Variants in WDR27 observed in about 807,000 individuals in gnomAD.
WDR27 encodes WD repeat domain 27, also known as WD repeat-containing protein 27.
WDR27 carries 100 observed loss-of-function variants against 114.4 expected under a neutral mutation model. The observed-to-expected ratio is 0.87, with a 90% confidence interval of 0.74 to 1.03. WDR27 has a LOEUF of 1.03. Among genes scored for constraint, WDR27 ranks in the 50% least tolerant of loss-of-function variants. The pLI is 0.00. For synonymous variants in WDR27, 449 were observed against 423.1 expected (o/e 1.06, Z -0.75); for missense variants, 1,129 against 1,092.9 (o/e 1.03, Z -0.47).
the WDR27 span, among the ~76,000 whole-genome samples, chr6:169,431,027 G>T: frequency 1.3e-5 from 2 of 152,132 alleles, no homozygotes; most frequent in Non-Finnish European, 2.9e-5. Context: ...TGAATGACTT[G>T]CTGTCACCTA....
In WDR27 at chr6:169,634,443, TG is replaced by T. The variant is rs1562761529; in HGVS notation, c.2085del (p.Asn696ThrfsTer30). 6.2e-7 allele frequency: 1 copy of T among 1,612,558 alleles called. No homozygotes were observed. ...GAAAGGATACGGGAATAAAAGTCGTTGACTGCCGATAAACTGGTCATGTCTA... is the reference window on the plus strand; with the variant it reads ...GAAAGGATACGGGAATAAAAGTCGTTACTGCCGATAAACTGGTCATGTCTA... ...GAVDMTSLSA[V>X]NDFYSHIVLA... On this transcript the variant is annotated frameshift_variant, in exon 20 of 26. Transcript: ENST00000448612. LOFTEE classifies it high-confidence loss of function.
intron 25 of WDR27, among the ~76,000 whole-genome samples, chr6:169,467,402 C>A (rs550788830): frequency 1.3e-5 from 2 of 152,260 alleles, no homozygotes; most frequent in Admixed American, 1.3e-4. Flanking sequence ...TTCATGAGGG[C>A]CCCACTCCTG....
chr6:169,694,418 C>G (rs1220261473), intron 1 of WDR27, among the ~76,000 whole-genome samples: 1 of 152,166 alleles, frequency 6.6e-6, no homozygotes, highest in Non-Finnish European at 1.5e-5. Context: ...ATCTGGCAAT[C>G]AAAAATTCTA....
intron 6 of WDR27, among the ~76,000 whole-genome samples, chr6:169,666,074 A>G (rs542692577): frequency 6.6e-6 from 1 of 152,358 alleles, no homozygotes; most frequent in South Asian, 2.1e-4. Context: ...AACTTACTCT[A>G]AACTGTCAGT....
At chr6:169,666,106 T>C (rs575798957) in intron 6 of WDR27, among the ~76,000 whole-genome samples, 53 of 152,326 alleles carry the variant, frequency 3.5e-4, no homozygotes, top group African/African-American at 1.2e-3. Flanking sequence ...ATTAGATAAA[T>C]GAATATTGAA....
At chr6:169,441,661 C>T in the WDR27 span, among the ~76,000 whole-genome samples, 1 of 152,236 alleles carries the variant, frequency 6.6e-6, no homozygotes, top group Non-Finnish European at 1.5e-5. Context: ...GTTACCCACT[C>T]TTGTCACTCA....
At chr6:169,620,510 G>A (rs912312655) in intron 21 of WDR27, among the ~76,000 whole-genome samples, 1 of 152,170 alleles carries the variant, frequency 6.6e-6, no homozygotes, top group African/African-American at 2.4e-5. Context: ...TGTGTATTCA[G>A]TGGAAAGCTG....
intron 25 of WDR27, among the ~76,000 whole-genome samples, chr6:169,568,832 G>T (rs1323473564): frequency 6.6e-6 from 1 of 152,138 alleles, no homozygotes. Flanking sequence ...GAAGAAAACA[G>T]AACTGAGAGG....
At chr6:169,594,408 A>T (rs1454768351) in intron 23 of WDR27, among the ~76,000 whole-genome samples, 1 of 152,214 alleles carries the variant, frequency 6.6e-6, no homozygotes, top group Non-Finnish European at 1.5e-5. Context: ...GCAGACAAAC[A>T]TTACTATGAA....
At chr6:169,571,456 C>T (rs1474772964) in intron 25 of WDR27, among the ~76,000 whole-genome samples, 1 of 152,140 alleles carries the variant, frequency 6.6e-6, no homozygotes, top group African/African-American at 2.4e-5. Flanking sequence ...GGACTCAAAC[C>T]AGCAATTAGC....
intron 23 of WDR27, among the ~76,000 whole-genome samples, chr6:169,583,522 C>CAT (rs1222836509): frequency 2.3e-5 from 3 of 130,514 alleles, no homozygotes; most frequent in Admixed American, 7.5e-5. Context: ...TACACACACA[C>CAT]ACACACACAC....
At chr6:169,463,301 C>T (rs1785144806) in intron 25 of WDR27, among the ~76,000 whole-genome samples, 1 of 152,210 alleles carries the variant, frequency 6.6e-6, no homozygotes, top group Non-Finnish European at 1.5e-5. Context: ...GGATGAAGCT[C>T]TCATAAGCTA....
intron 1 of WDR27, among the ~76,000 whole-genome samples, chr6:169,694,841 C>T (rs1259951975): frequency 6.6e-5 from 10 of 152,220 alleles, no homozygotes; most frequent in East Asian, 3.9e-4. Flanking sequence ...CAGGGCGCTG[C>T]GGAAGAAAGC....
Position 169,670,615 on chromosome 6 carries a change from A to G in WDR27, c.410T>C (p.Val137Ala). The G allele has an allele frequency of 6.2e-7, 1 of 1,614,002 alleles. No homozygotes were observed. Among genetic ancestry groups the G allele is most frequent in the Non-Finnish European group, 8.5e-7 (1 of 1,179,892 alleles). Reference sequence around the variant, plus strand: ...TTTGTTTCCAGCACACACGGCAACAACATGATCATCCAGGCTCAACTGTAA... The same window carrying G: ...TTTGTTTCCAGCACACACGGCAACAGCATGATCATCCAGGCTCAACTGTAA... ...LCLQLSLDDH[V>A]VAVCAGNKIF... The change falls in exon 4 of 26, where the codon GTT (valine) becomes GCT (alanine). Residue 137 changes from valine to alanine, a missense_variant. Transcript: ENST00000448612.
chr6:169,456,315 C>A (rs533661248), downstream of WDR27, among the ~76,000 whole-genome samples: 2 of 152,270 alleles, frequency 1.3e-5, no homozygotes, highest in African/African-American at 4.8e-5. This position sits in a 1 kb window ranked among gnomAD's most constrained non-coding sequence, Gnocchi z 4.0. Context: ...TGTGACATTT[C>A]TTAGAAGGTG....
chr6:169,636,381 C>T lies in WDR27; in HGVS notation c.1993G>A (p.Glu665Lys), dbSNP rs1817663551. 1 of 1,613,644 alleles carries T rather than the reference C, an allele frequency of 6.2e-7. No homozygotes were observed. Among genetic ancestry groups the T allele is most frequent in the Admixed American group, 1.7e-5 (1 of 59,968 alleles). The change falls in exon 19 of 26, where the codon GAG (glutamate) becomes AAG (lysine). Residue 665 changes from glutamate to lysine, a missense_variant. Transcript: ENST00000448612. ...GCGGGGGGTGCCTACCTCTTAATCT[C>T]ATCTTTGCAAGTGTCAATGTGATAC... ...LRYHIDTCKD[E>K]IKRYKQKSKS... is the part of the protein sequence containing the mutation.
At chr6:169,625,421 C>A (rs955726611) in intron 21 of WDR27, among the ~76,000 whole-genome samples, 1 of 152,186 alleles carries the variant, frequency 6.6e-6, no homozygotes, top group Non-Finnish European at 1.5e-5. Flanking sequence ...GCCAGGGAGG[C>A]CTCCTGGGGT....
At chr6:169,678,734 T>C (rs1490574340) in intron 2 of WDR27, among the ~76,000 whole-genome samples, 1 of 152,228 alleles carries the variant, frequency 6.6e-6, no homozygotes, top group Non-Finnish European at 1.5e-5. Flanking sequence ...AATCTGACTC[T>C]GGCATAACAA....
At chr6:169,647,499 A>T (rs1821081928) in intron 16 of WDR27, 1 of 533,010 alleles carries the variant, frequency 1.9e-6, no homozygotes, top group South Asian at 2.1e-5. Context: ...ACCCCGGAGG[A>T]GCTGGACACA....
Sources: allele counts gnomAD v4.1 joint callset (sites outside exome capture counted in the v4.1 genomes callset), GRCh38; gene constraint gnomAD v4.1.1; non-coding constraint Gnocchi (gnomAD v3.1); transcripts MANE v1.5; gene names NCBI Gene and HGNC (gene_info 2026-07-23, HGNC 2026-07-21).